The following CYB5B variants were observed in gnomAD, a reference collection of about 807,000 sequenced individuals.
The protein encoded by CYB5B is cytochrome b5 type B.
CYB5B carries 14 observed loss-of-function variants against 21.3 expected under a neutral mutation model. That is an observed-to-expected ratio of 0.66 (90% CI 0.43 to 1.03). The LOEUF (loss-of-function observed/expected upper bound fraction) is 1.03, where lower values mean the gene tolerates loss of function less well. CYB5B is among the 50% of genes least tolerant of loss of function. The pLI is 0.00. For synonymous variants in CYB5B, 69 were observed against 68.4 expected (o/e 1.01, Z -0.04); for missense variants, 166 against 185.1 (o/e 0.90, Z 0.60).
intron 1 of CYB5B, chr16:69,443,673 G>C (rs2014848262): frequency 6.6e-6 from 1 of 152,342 alleles, no homozygotes; most frequent in Non-Finnish European, 1.5e-5. Context: ...TGGCCAACGT[G>C]GTGAAACCTT....
intron 3 of CYB5B, among the ~76,000 whole-genome samples, chr16:69,451,756 C>T (rs1470975630): frequency 2.6e-5 from 4 of 151,600 alleles, no homozygotes; most frequent in Non-Finnish European, 1.5e-5. Context: ...TAGAGCCCAT[C>T]CTGGCTAACA....
intron 1 of CYB5B, among the ~76,000 whole-genome samples, chr16:69,426,699 CA>C (rs11434223): frequency 2.2e-4 from 21 of 95,588 alleles, no homozygotes; most frequent in East Asian, 1.2e-3. Context: ...AGCGAGACTC[CA>C]AAAAAAAAAA....
At chr16:69,461,157 A>G (rs997714826) in intron 4 of CYB5B, among the ~76,000 whole-genome samples, 1 of 151,774 alleles carries the variant, frequency 6.6e-6, no homozygotes, top group Admixed American at 6.6e-5. Context: ...GTGAGCCAAG[A>G]TCGCGCCACC....
intron 1 of CYB5B, chr16:69,443,477 C>T (rs138198444): frequency 1.8e-3 from 298 of 165,068 alleles, no homozygotes; most frequent in African/African-American, 6.9e-3. Flanking sequence ...AGCCCAAATA[C>T]GTTGAGGAAA....
intron 1 of CYB5B, among the ~76,000 whole-genome samples, chr16:69,425,180 C>T (rs973649617): frequency 1.3e-5 from 2 of 152,194 alleles, no homozygotes; most frequent in African/African-American, 4.8e-5. Flanking sequence ...AGGTTGAGGA[C>T]TCTCAGGGCC....
intron 1 of CYB5B, among the ~76,000 whole-genome samples, chr16:69,436,103 C>T (rs1308440188): frequency 6.6e-6 from 1 of 152,102 alleles, no homozygotes; most frequent in African/African-American, 2.4e-5. Context: ...TCATTTTGCC[C>T]GGGGGCATGG....
At chr16:69,445,969 T>A (rs904338821) in intron 1 of CYB5B, among the ~76,000 whole-genome samples, 27 of 151,528 alleles carry the variant, frequency 1.8e-4, no homozygotes, top group Middle Eastern at 3.4e-3. Context: ...AAAAAAAAAA[T>A]TTTTTTTCAG....
intron 1 of CYB5B, among the ~76,000 whole-genome samples, chr16:69,429,922 A>T (rs1414627573): frequency 6.6e-6 from 1 of 152,090 alleles, no homozygotes; most frequent in African/African-American, 2.4e-5. Flanking sequence ...TTTTTTGATT[A>T]ATGACTGGTT....
chr16:69,454,721 C>T (rs949437687), intron 3 of CYB5B, among the ~76,000 whole-genome samples: 1 of 152,286 alleles, frequency 6.6e-6, no homozygotes, highest in South Asian at 2.1e-4. Context: ...TGTCCTGTGG[C>T]TTAAAATCTA....
Position 69,424,966 on chromosome 16 carries a change from G to T in CYB5B, c.174+109G>T, listed in dbSNP as rs183011244. On this transcript the variant is annotated intron_variant, in intron 1 of 4. Coordinates refer to ENST00000307892, the MANE Select transcript of CYB5B (RefSeq NM_030579.3). ...GAGGCTTGGCTGGGGGCGATAAGGC[G>T]TAAGAAAGGGATCACGACCCTCAGA... 229 of 1,160,204 alleles carry T rather than the reference G, an allele frequency of 2.0e-4. No homozygotes were observed. In the Admixed American group the frequency reaches 7.6e-3, roughly 38 times the overall value. The allele number at this position is 1,160,204 out of a possible 1,614,324, so 71.9% of individuals were successfully genotyped here.
intron 3 of CYB5B, chr16:69,449,946 T>G: frequency 6.6e-6 from 1 of 152,272 alleles, no homozygotes; most frequent in East Asian, 1.9e-4. Context: ...CCAGGTGCAG[T>G]GGCTCACGCC....
chr16:69,428,546 C>T (rs566735214), intron 1 of CYB5B, among the ~76,000 whole-genome samples: 1 of 151,968 alleles, frequency 6.6e-6, no homozygotes, highest in East Asian at 1.9e-4. Context: ...CTCTCATCTA[C>T]TTGGGAGGCT....
intron 3 of CYB5B, among the ~76,000 whole-genome samples, chr16:69,452,025 A>AT (rs141657964): frequency 0.016 from 2,360 of 151,142 alleles, 67 homozygotes; most frequent in African/African-American, 0.054. Context: ...ACCAGCCATC[A>AT]TTTTTTTGTT....
chr16:69,438,586 C>T (rs573974195), intron 1 of CYB5B, among the ~76,000 whole-genome samples: 14 of 138,676 alleles, frequency 1.0e-4, no homozygotes, highest in East Asian at 6.5e-4. Flanking sequence ...AGTGGTGTCT[C>T]GTTATGGTTT....
At chr16:69,458,237 A>T (rs1289261656) in intron 3 of CYB5B, among the ~76,000 whole-genome samples, 2 of 152,148 alleles carry the variant, frequency 1.3e-5, no homozygotes, top group African/African-American at 4.8e-5. Flanking sequence ...TCTATTTTAG[A>T]ACAATTTCCT....
intron 2 of CYB5B, among the ~76,000 whole-genome samples, chr16:69,447,850 T>C (rs918307531): frequency 6.6e-6 from 1 of 152,182 alleles, no homozygotes. Flanking sequence ...AATAACACCT[T>C]TACCTAAAAT....
intron 3 of CYB5B, among the ~76,000 whole-genome samples, chr16:69,453,621 G>A (rs551852883): frequency 2.0e-5 from 3 of 152,194 alleles, no homozygotes; most frequent in East Asian, 1.9e-4. Context: ...GCAGTGGCGC[G>A]ATCTCGGCTC....
chr16:69,459,224 C>A, intron 4 of CYB5B, 103 bp downstream of exon 4: 1 of 1,400,086 alleles, frequency 7.1e-7, no homozygotes, highest in Non-Finnish European at 9.6e-7. Context: ...TGCAGTTTGA[C>A]AACTAATTCT....
At chr16:69,446,390 C>T (rs1567473224) in intron 1 of CYB5B, among the ~76,000 whole-genome samples, 1 of 152,106 alleles carries the variant, frequency 6.6e-6, no homozygotes, top group Non-Finnish European at 1.5e-5. Context: ...GTGGCGTGAT[C>T]TTGGCACACT....
Sources: gnomAD v4.1 joint callset for allele counts (sites outside exome capture counted in the v4.1 genomes callset) on GRCh38, gnomAD v4.1.1 for gene constraint, MANE v1.5 for transcripts, NCBI Gene and HGNC (gene_info 2026-07-23, HGNC 2026-07-21) for gene names.